SUFU: variants seen among roughly 807,000 people sequenced by gnomAD.
SUFU encodes SUFU negative regulator of hedgehog signaling, also known as suppressor of fused homolog.
SUFU carries 7 observed loss-of-function variants against 58.9 expected under a neutral mutation model. The observed-to-expected ratio is 0.12, with a 90% CI of 0.07 to 0.22. The LOEUF (loss-of-function observed/expected upper bound fraction) is 0.22, where lower values mean the gene tolerates loss of function less well. Ranked by LOEUF, SUFU falls within the 10% of genes least tolerant of loss-of-function variation. SUFU has a pLI of 1.00. For synonymous variants in SUFU, 232 were observed against 254.8 expected (o/e 0.91, Z 0.85); for missense variants, 451 against 641.3 (o/e 0.70, Z 3.20).
At chr10:102,546,303 A>C (rs1470722050) in intron 2 of SUFU, among the ~76,000 whole-genome samples, 2 of 152,122 alleles carry the variant, frequency 1.3e-5, no homozygotes, top group African/African-American at 4.8e-5. Flanking sequence ...TTCCTTTTGC[A>C]ATAAGACAGT....
chr10:102,525,383 T>G (rs1273270409), intron 2 of SUFU, among the ~76,000 whole-genome samples: 1 of 152,180 alleles, frequency 6.6e-6, no homozygotes, highest in African/African-American at 2.4e-5. Flanking sequence ...GTGCTGAGAT[T>G]ATAAGCATGA....
intron 2 of SUFU, among the ~76,000 whole-genome samples, chr10:102,534,260 C>T (rs908207801): frequency 4.6e-5 from 7 of 152,088 alleles, no homozygotes; most frequent in African/African-American, 1.7e-4. Flanking sequence ...AACCCCGTCT[C>T]TACTAAAAAT....
At chr10:102,507,703 A>G (rs1390911452) in intron 1 of SUFU, among the ~76,000 whole-genome samples, 2 of 152,262 alleles carry the variant, frequency 1.3e-5, no homozygotes, top group Non-Finnish European at 2.9e-5. Flanking sequence ...TAGTGTTTAA[A>G]TTGCCTGGTG....
intron 2 of SUFU, among the ~76,000 whole-genome samples, chr10:102,549,345 G>A (rs1472140793): frequency 1.3e-5 from 2 of 152,182 alleles, no homozygotes; most frequent in Non-Finnish European, 2.9e-5. Context: ...CAAGAGAGTG[G>A]GCAAAAGCAG....
rs1564685530 is a variant in SUFU, at chr10:102,568,898, ATATATATATATATATATATATAC to A, written c.454+18793_454+18815del. 3.2e-3 allele frequency among the ~76,000 whole-genome samples: 19 copies of A among 5,958 alleles called. 1 individual carries two copies. Among genetic ancestry groups the A allele is most frequent in the African/African-American group, 0.018 (19 of 1,080 alleles). 3.9% of individuals were successfully genotyped at this position (5,958 alleles called of 152,430 possible). The stretch of plus-strand genomic sequence containing the variant: ...TCAAAAAAAAAAAAAAAAAAAAAAA[ATATATATATATATATATATATAC>A]ACATATATATATATATATATATATA... On this transcript the variant is annotated intron_variant, in intron 3 of 11. Transcript: ENST00000369902.
intron 10 of SUFU, among the ~76,000 whole-genome samples, chr10:102,624,571 C>A (rs192045111): frequency 1.3e-5 from 2 of 152,270 alleles, no homozygotes; most frequent in Admixed American, 1.3e-4. Context: ...CAGCAAATCA[C>A]CAAAAGCAAA....
At chr10:102,565,485 A>G (rs1298574175) in intron 3 of SUFU, among the ~76,000 whole-genome samples, 1 of 152,184 alleles carries the variant, frequency 6.6e-6, no homozygotes, top group Admixed American at 6.5e-5. Context: ...TTTAGCTTCT[A>G]TAGGTCTGTA....
chr10:102,582,547 G>C (rs575068228), intron 3 of SUFU, among the ~76,000 whole-genome samples: 1 of 152,148 alleles, frequency 6.6e-6, no homozygotes, highest in Non-Finnish European at 1.5e-5. Flanking sequence ...GATTCTGTGC[G>C]CCTGTTCAGC....
intron 3 of SUFU, among the ~76,000 whole-genome samples, chr10:102,559,957 A>G (rs1564680962): frequency 6.6e-6 from 1 of 152,120 alleles, no homozygotes; most frequent in Non-Finnish European, 1.5e-5. Context: ...AGTTGGCTCG[A>G]TTTGTGAGTG....
intron 2 of SUFU, among the ~76,000 whole-genome samples, chr10:102,533,507 G>C (rs898224923): frequency 1.3e-5 from 2 of 152,070 alleles, no homozygotes; most frequent in Non-Finnish European, 2.9e-5. Context: ...CCAAGAGGCT[G>C]AGGCAACAGT....
upstream of SUFU, chr10:102,503,956 C>T (rs952113228): frequency 2.7e-6 from 2 of 728,018 alleles, no homozygotes; most frequent in Non-Finnish European, 4.1e-6. Context: ...CCCGCCGCCC[C>T]GAGGCACCCT....
chr10:102,627,257 A>T lies in SUFU; in HGVS notation c.1365+14A>T, dbSNP rs1231957992. On this transcript the variant is annotated intron_variant, in intron 11 of 11. Transcript: ENST00000369902. ...TCTCCAGAGGAAGTAAGCTTGTTTG[A>T]CTTTTCCTGACAACAGGTCCCGTCT... 1 of 1,612,444 alleles carries T rather than the reference A, an allele frequency of 6.2e-7. No homozygotes were observed. The highest frequency in any genetic ancestry group is 1.1e-5 in the South Asian group (1 of 91,042).
chr10:102,583,703 T>G (rs2063307215), intron 3 of SUFU, among the ~76,000 whole-genome samples: 1 of 152,172 alleles, frequency 6.6e-6, no homozygotes, highest in Admixed American at 6.5e-5. Flanking sequence ...TTCTTTTTCT[T>G]TTTTCTTTTT....
intron 10 of SUFU, among the ~76,000 whole-genome samples, chr10:102,622,240 A>AC (rs1468277387): frequency 6.6e-6 from 1 of 151,942 alleles, no homozygotes; most frequent in East Asian, 1.9e-4. Flanking sequence ...CTGTGCCCAA[A>AC]CCCCCTTTCC....
intron 2 of SUFU, among the ~76,000 whole-genome samples, chr10:102,535,124 A>C (rs2062720850): frequency 6.6e-6 from 1 of 152,188 alleles, no homozygotes; most frequent in Non-Finnish European, 1.5e-5. Context: ...CCCCAGGATA[A>C]AGGATGGGTC....
intron 4 of SUFU, 101 bp downstream of exon 4, chr10:102,592,825 C>CT: frequency 7.2e-7 from 1 of 1,384,106 alleles, no homozygotes; most frequent in East Asian, 2.3e-5. Context: ...GGGAGGTTTC[C>CT]TTTGGCCTCG....
At chr10:102,571,063 G>C (rs571811182) in intron 3 of SUFU, among the ~76,000 whole-genome samples, 1 of 152,196 alleles carries the variant, frequency 6.6e-6, no homozygotes, top group South Asian at 2.1e-4. Context: ...CAGATGCAGA[G>C]AAGTTAAGTG....
At position 102,630,150 on chromosome 10, in the gene SUFU, C is replaced by T. The variant is rs2135959641; in HGVS notation, c.1450C>T (p.His484Tyr). The change falls in exon 12 of 12, where the codon CAC becomes TAC. Residue 484 changes from histidine (H) to tyrosine (Y), a missense_variant. Transcript: ENST00000369902. ...LPDVVFDSPL[H>Y] ...TGACGTGGTGTTCGACAGTCCGCTA[C>T]ACTAGCCTGGGCTGGGCCCTGCAGT... 6.2e-7 allele frequency: 1 copy of T among 1,614,176 alleles called. No individual in the cohort carries two copies. Among genetic ancestry groups the T allele is most frequent in the South Asian group, 1.1e-5 (1 of 91,084 alleles).
rs555198390 is a variant in SUFU, at chr10:102,549,877, G to A, written c.318-93G>A. 4.6e-5 allele frequency: 69 copies of A among 1,512,644 alleles called. No individual in the cohort carries two copies. The African/African-American group carries it at 8.0e-4, about 17-fold the overall frequency. The allele number at this position is 1,512,644 out of a possible 1,614,324, so 93.7% of individuals were successfully genotyped here. ...CTGAATGGAGGATTTGGATACTGAG[G>A]CCACCATAAAAAGGGGGAGAACTTT... is the stretch of plus-strand genomic sequence containing the variant. On this transcript the variant is annotated intron_variant, in intron 2 of 11. Coordinates refer to ENST00000369902, the MANE Select transcript of SUFU (RefSeq NM_016169.4).
Sources: allele counts gnomAD v4.1 joint callset (sites outside exome capture counted in the v4.1 genomes callset), GRCh38; gene constraint gnomAD v4.1.1; transcripts MANE v1.5; gene names NCBI Gene and HGNC (gene_info 2026-07-23, HGNC 2026-07-21).